ORC2: variants seen among roughly 807,000 people sequenced by gnomAD.
ORC2 encodes origin recognition complex protein 2 homolog.
ORC2 carries 37 observed loss-of-function variants against 77.7 expected under a neutral mutation model. The observed-to-expected ratio is 0.48, with a 90% CI of 0.37 to 0.63. ORC2 has a LOEUF of 0.63. ORC2 is among the 20% of genes least tolerant of loss of function. The pLI is 0.00. For synonymous variants in ORC2, 201 were observed against 229.5 expected, an observed-to-expected ratio of 0.88 and a Z score of 1.12; for missense variants, 557 against 661.9, an observed-to-expected ratio of 0.84 and a Z score of 1.74.
chr2:200,939,474 T>C (rs1457428326), intron 7 of ORC2, among the ~76,000 whole-genome samples: 1 of 152,206 alleles, frequency 6.6e-6, no homozygotes, highest in Non-Finnish European at 1.5e-5. Flanking sequence ...CTGTTCTCCC[T>C]ATCAGGACAA....
chr2:200,941,159 A>T, intron 7 of ORC2, 89 bp downstream of exon 7: 1 of 983,422 alleles, frequency 1.0e-6, no homozygotes, highest in Non-Finnish European at 1.6e-6. Flanking sequence ...ATAAATTAAG[A>T]GATCAATTTT....
chr2:200,932,824 TG>T (rs1363142056), intron 10 of ORC2, among the ~76,000 whole-genome samples: 5 of 152,314 alleles, frequency 3.3e-5, no homozygotes, highest in African/African-American at 1.2e-4. Flanking sequence ...GCTAGCCTGC[TG>T]GTCCAACGAG....
chr2:200,957,773 C>G (rs1165953639), intron 3 of ORC2, among the ~76,000 whole-genome samples: 1 of 151,108 alleles, frequency 6.6e-6, no homozygotes, highest in Non-Finnish European at 1.5e-5. Flanking sequence ...AAAATAACCA[C>G]ATATTTTAAA....
chr2:200,954,830 T>C (rs1453577979), intron 4 of ORC2, among the ~76,000 whole-genome samples: 1 of 151,440 alleles, frequency 6.6e-6, no homozygotes, highest in Admixed American at 6.6e-5. Flanking sequence ...TTTAAAAAGG[T>C]TGAAAAACAT....
At chr2:200,944,477 T>G (rs1416937308) in intron 5 of ORC2, among the ~76,000 whole-genome samples, 2 of 151,990 alleles carry the variant, frequency 1.3e-5, no homozygotes, top group Non-Finnish European at 2.9e-5. Flanking sequence ...CCGGCTAAGA[T>G]AGTCATTTTT....
intron 9 of ORC2, among the ~76,000 whole-genome samples, chr2:200,935,001 G>A (rs1224620489): frequency 1.3e-5 from 2 of 152,122 alleles, no homozygotes; most frequent in Non-Finnish European, 2.9e-5. Flanking sequence ...TGAATACATT[G>A]ACAATGGTAC....
rs752490921 is a variant in ORC2 at position 200,909,031 on chromosome 2, CACAT to C, written c.*2266_*2269del. 6 of 152,092 alleles carry C rather than the reference CACAT, an allele frequency of 3.9e-5. No individual in the cohort carries two copies. Among genetic ancestry groups the C allele is most frequent in the Non-Finnish European group, 7.4e-5 (5 of 68,024 alleles). The allele number at this position is 152,092 out of a possible 1,614,324, so 9.4% of individuals were successfully genotyped here. On this transcript the variant is annotated 3_prime_UTR_variant, in exon 18 of 18. Coordinates refer to ENST00000234296, the MANE Select transcript of ORC2 (RefSeq NM_006190.5). ...ATTTATTAATAATAAAGTCTACTGA[CACAT>C]ACTGCTTGCAAATAGTATAGACACA...
chr2:200,940,674 C>T (rs2041132691), intron 7 of ORC2, among the ~76,000 whole-genome samples: 1 of 151,996 alleles, frequency 6.6e-6, no homozygotes, highest in African/African-American at 2.4e-5. Flanking sequence ...TGGTGGTGCA[C>T]ACCTGTAATC....
At chr2:200,948,413 C>T (rs1474457478) in intron 5 of ORC2, among the ~76,000 whole-genome samples, 1 of 152,144 alleles carries the variant, frequency 6.6e-6, no homozygotes, top group African/African-American at 2.4e-5. Context: ...CAGCTTAGTT[C>T]TCTGAAAATC....
chr2:200,936,008 T>C, intron 8 of ORC2, 116 bp from the exon 9 acceptor site: 1 of 723,776 alleles, frequency 1.4e-6, no homozygotes, highest in African/African-American at 1.8e-5. Context: ...GTTTTGTCAT[T>C]ACCTGCTCAT....
chr2:200,943,800 GTT>G (rs57805402), intron 5 of ORC2, among the ~76,000 whole-genome samples: 15 of 140,284 alleles, frequency 1.1e-4, no homozygotes, highest in East Asian at 6.3e-4. Flanking sequence ...GATTCACTAA[GTT>G]TTTTTTTTTT....
chr2:200,921,684 T>A (rs528214832), intron 13 of ORC2: 3 of 152,442 alleles, frequency 2.0e-5, no homozygotes, highest in Admixed American at 2.0e-4. Flanking sequence ...TTGTCCAGGC[T>A]AGAGTGCAGT....
intron 6 of ORC2, among the ~76,000 whole-genome samples, 167 bp downstream of exon 6, chr2:200,942,518 C>T (rs555464164): frequency 6.6e-6 from 1 of 152,192 alleles, no homozygotes; most frequent in Non-Finnish European, 1.5e-5. Context: ...CTGCTAAACA[C>T]GGGTATACTA....
intron 15 of ORC2, among the ~76,000 whole-genome samples, chr2:200,915,350 G>C (rs2040627831): frequency 6.6e-6 from 1 of 151,908 alleles, no homozygotes; most frequent in Non-Finnish European, 1.5e-5. Flanking sequence ...AGAACTTAAG[G>C]AAGTTTTAAC....
intron 4 of ORC2, among the ~76,000 whole-genome samples, chr2:200,952,251 T>A (rs1334247464): frequency 6.6e-6 from 1 of 151,402 alleles, no homozygotes; most frequent in Admixed American, 6.6e-5. Context: ...TATATATTTA[T>A]ATAATTTATT....
At chr2:200,950,829 C>T (rs2041341290) in intron 4 of ORC2, among the ~76,000 whole-genome samples, 2 of 152,094 alleles carry the variant, frequency 1.3e-5, no homozygotes, top group Non-Finnish European at 2.9e-5. Flanking sequence ...TGTATTTCCA[C>T]CAACGCTTGG....
intron 4 of ORC2, among the ~76,000 whole-genome samples, chr2:200,955,097 C>T (rs1263189282): frequency 6.6e-6 from 1 of 152,088 alleles, no homozygotes; most frequent in Non-Finnish European, 1.5e-5. Flanking sequence ...ATATCATTTG[C>T]TGTGAGTGCT....
chr2:200,939,233 T>C (rs1362541793), intron 7 of ORC2, among the ~76,000 whole-genome samples: 1 of 152,136 alleles, frequency 6.6e-6, no homozygotes, highest in African/African-American at 2.4e-5. Context: ...TTCTACTTCA[T>C]TTGTTAAAAA....
intron 4 of ORC2, among the ~76,000 whole-genome samples, chr2:200,952,045 C>G (rs970050123): frequency 6.6e-6 from 1 of 151,796 alleles, no homozygotes; most frequent in African/African-American, 2.4e-5. Context: ...AGGTAGAGGG[C>G]CTTTTTTTTA....
Sources: allele counts gnomAD v4.1 joint callset (sites outside exome capture counted in the v4.1 genomes callset), GRCh38; gene constraint gnomAD v4.1.1; transcripts MANE v1.5; gene names NCBI Gene and HGNC (gene_info 2026-07-23, HGNC 2026-07-21).